SORCS1: variants seen among roughly 807,000 people sequenced by gnomAD.
The protein encoded by SORCS1 is VPS10 domain-containing receptor SorCS1.
SORCS1 carries 60 observed loss-of-function variants against 146.1 expected under a neutral mutation model. That is an observed-to-expected ratio of 0.41 (90% confidence interval 0.33 to 0.51). The LOEUF (loss-of-function observed/expected upper bound fraction) is 0.51. Among genes scored for constraint, SORCS1 ranks in the 20% least tolerant of loss-of-function variants. The probability of loss-of-function intolerance (pLI) is 0.21; values close to 1 mark genes in which losing one functional copy is unlikely to be tolerated. For missense variants in SORCS1, 1,352 were observed against 1,487.6 expected, an observed-to-expected ratio of 0.91 and a Z score of 1.50; for synonymous variants, 637 against 584.0, an observed-to-expected ratio of 1.09 and a Z score of -1.31.
intron 2 of SORCS1, among the ~76,000 whole-genome samples, chr10:106,928,979 A>G (rs1953244564): frequency 6.6e-6 from 1 of 151,728 alleles, no homozygotes. Flanking sequence ...GAAAAATAGA[A>G]CAAATCTTTT....
At chr10:106,610,171 A>T (rs893657529) in intron 22 of SORCS1, among the ~76,000 whole-genome samples, 3 of 152,128 alleles carry the variant, frequency 2.0e-5, no homozygotes, top group African/African-American at 7.2e-5. Context: ...TCAGAGGCAC[A>T]TGAAGATACC....
intron 9 of SORCS1, among the ~76,000 whole-genome samples, chr10:106,695,257 A>C (rs1404775808): frequency 6.6e-6 from 1 of 152,232 alleles, no homozygotes; most frequent in African/African-American, 2.4e-5. Flanking sequence ...AAGGTGCTGC[A>C]TAGATAGGTC....
chr10:106,885,290 G>GA (rs935843549), intron 2 of SORCS1, among the ~76,000 whole-genome samples: 13 of 148,854 alleles, frequency 8.7e-5, no homozygotes, highest in Admixed American at 3.3e-4. Context: ...AAAATTGGGG[G>GA]GGGGGAACTT....
Position 106,995,313 on chromosome 10 carries a change from C to CAAA in SORCS1, c.559-38736_559-38734dup, listed in dbSNP as rs369510454. Among the ~76,000 whole-genome samples the CAAA allele has an allele frequency of 1.9e-3, 220 of 118,294 alleles. 2 individuals carry two copies. The highest frequency in any genetic ancestry group is 6.5e-3 in the African/African-American group (217 of 33,358). The allele number at this position is 118,294 out of a possible 152,430, so 77.6% of individuals were successfully genotyped here. On this transcript the variant is annotated intron_variant, in intron 1 of 25. Transcript: ENST00000263054. ...TGGGAGACAGAGCGAGACTCCATCT[C>CAAA]AAAAAAAAAAAAAAAGTAAGAACAG...
Position 106,674,920 on chromosome 10 carries a change from T to C in SORCS1, c.1940+129A>G, listed in dbSNP as rs539536792. 46 of 642,598 alleles carry C rather than the reference T, an allele frequency of 7.2e-5. No homozygotes were observed. In the African/African-American group the frequency reaches 7.7e-4, roughly 11 times the overall value. The allele number at this position is 642,598 out of a possible 1,614,324, so 39.8% of individuals were successfully genotyped here. The stretch of plus-strand genomic sequence containing the variant: ...CCACATTTTTCTTCCCTATTTGCTG[T>C]ACACTCTTGCAGTAAGATGCAACAA... On this transcript the variant is annotated intron_variant, in intron 14 of 25. Transcript: ENST00000263054.
chr10:106,870,733 T>A (rs564684416), intron 2 of SORCS1, among the ~76,000 whole-genome samples: 1 of 152,024 alleles, frequency 6.6e-6, no homozygotes, highest in African/African-American at 2.4e-5. Flanking sequence ...ACTATAGAAA[T>A]CTTGGAAGAC....
At chr10:106,803,310 G>T (rs1389798484) in intron 3 of SORCS1, among the ~76,000 whole-genome samples, 1 of 152,096 alleles carries the variant, frequency 6.6e-6, no homozygotes, top group Non-Finnish European at 1.5e-5. Flanking sequence ...TCTTTCCAAA[G>T]AATAATATTT....
At chr10:106,633,632 A>G (rs1848561797) in intron 18 of SORCS1, among the ~76,000 whole-genome samples, 1 of 152,008 alleles carries the variant, frequency 6.6e-6, no homozygotes, top group Non-Finnish European at 1.5e-5. Flanking sequence ...TGGAAAGCCA[A>G]TTTGGAGGTA....
intron 1 of SORCS1, among the ~76,000 whole-genome samples, chr10:107,016,102 G>C (rs1424340214): frequency 6.6e-6 from 1 of 152,172 alleles, no homozygotes; most frequent in Non-Finnish European, 1.5e-5. Context: ...TACACTACCA[G>C]ATATGAATAT....
intron 1 of SORCS1, among the ~76,000 whole-genome samples, chr10:107,118,031 T>C (rs1184532696): frequency 6.6e-6 from 1 of 152,166 alleles, no homozygotes; most frequent in African/African-American, 2.4e-5. Flanking sequence ...ATAGACTGAA[T>C]GTTTATGTCT....
At chr10:107,008,215 A>G (rs1254225662) in intron 1 of SORCS1, among the ~76,000 whole-genome samples, 1 of 152,152 alleles carries the variant, frequency 6.6e-6, no homozygotes, top group East Asian at 1.9e-4. Flanking sequence ...TATTTTTCAT[A>G]AAGCCACTCA....
At chr10:107,144,367 A>C (rs1408660457) in intron 1 of SORCS1, among the ~76,000 whole-genome samples, 3 of 152,246 alleles carry the variant, frequency 2.0e-5, no homozygotes, top group South Asian at 4.1e-4. Flanking sequence ...TAATACTAAA[A>C]CAAAGATGAA....
intron 2 of SORCS1, among the ~76,000 whole-genome samples, chr10:106,915,727 G>A (rs1180803250): frequency 6.6e-6 from 1 of 152,236 alleles, no homozygotes; most frequent in Non-Finnish European, 1.5e-5. Flanking sequence ...GCTGTTTTAA[G>A]TGAGGAAGAG....
At chr10:106,858,135 T>A (rs111686673) in intron 2 of SORCS1, among the ~76,000 whole-genome samples, 2 of 152,248 alleles carry the variant, frequency 1.3e-5, no homozygotes, top group African/African-American at 4.8e-5. Context: ...AATATTTCCA[T>A]TCTGTCATGT....
chr10:106,910,803 A>T (rs1034019937), intron 2 of SORCS1, among the ~76,000 whole-genome samples: 2 of 152,066 alleles, frequency 1.3e-5, no homozygotes, highest in Admixed American at 1.3e-4. Flanking sequence ...TTCACTTTTA[A>T]TTTTTTTCTT....
chr10:106,896,882 A>T (rs1214825883), intron 2 of SORCS1, among the ~76,000 whole-genome samples: 1 of 150,906 alleles, frequency 6.6e-6, no homozygotes, highest in Non-Finnish European at 1.5e-5. Flanking sequence ...TCTATGCACC[A>T]AATACTGTTT....
At chr10:106,935,888 T>C (rs535664896) in intron 2 of SORCS1, among the ~76,000 whole-genome samples, 4 of 152,326 alleles carry the variant, frequency 2.6e-5, no homozygotes, top group South Asian at 2.1e-4. Context: ...GAAATTCAAG[T>C]AGGTGAAGCT....
chr10:107,167,288 A>G (rs1970076201), upstream of SORCS1, among the ~76,000 whole-genome samples: 1 of 152,228 alleles, frequency 6.6e-6, no homozygotes, highest in Non-Finnish European at 1.5e-5. Context: ...TCCAATAAAT[A>G]GGCTAATCAT....
At chr10:106,867,288 T>TTTAA (rs1950256016) in intron 2 of SORCS1, among the ~76,000 whole-genome samples, 1 of 128,404 alleles carries the variant, frequency 7.8e-6, no homozygotes, top group African/African-American at 3.4e-5. Flanking sequence ...TTATATTAAA[T>TTTAA]TTTTTTTTTT....
Sources: gnomAD v4.1 joint callset for allele counts (sites outside exome capture counted in the v4.1 genomes callset) on GRCh38, gnomAD v4.1.1 for gene constraint, MANE v1.5 for transcripts, NCBI Gene and HGNC (gene_info 2026-07-23, HGNC 2026-07-21) for gene names.